Variants in DOCK3 observed in about 807,000 individuals in gnomAD.
DOCK3 encodes dedicator of cytokinesis protein 3.
A neutral mutation model predicts 265.6 loss-of-function variants in DOCK3; 60 were observed. That is an observed-to-expected ratio of 0.23 (90% CI 0.18 to 0.28). The LOEUF is 0.28. Ranked by LOEUF, DOCK3 falls within the 10% of genes least tolerant of loss-of-function variation. The probability of loss-of-function intolerance (pLI) is 1.00; values close to 1 mark genes in which losing one functional copy is unlikely to be tolerated. For missense variants in DOCK3, 1,981 were observed against 2,594.3 expected (o/e 0.76, Z 5.14); for synonymous variants, 881 against 938.0 (o/e 0.94, Z 1.11).
At chr3:51,053,400 A>G (rs530012110) in intron 5 of DOCK3, among the ~76,000 whole-genome samples, 8 of 150,484 alleles carry the variant, frequency 5.3e-5, no homozygotes, top group Non-Finnish European at 7.4e-5. Context: ...TTCCCCTTTC[A>G]ATACTTCCAA....
intron 24 of DOCK3, 76 bp downstream of exon 24, chr3:51,271,083 A>G: frequency 2.7e-6 from 4 of 1,455,956 alleles, no homozygotes; most frequent in Non-Finnish European, 3.7e-6. Context: ...TAGCAAAGTG[A>G]TAATCAAAGG....
At chr3:50,991,943 C>T (rs1419331582) in intron 5 of DOCK3, among the ~76,000 whole-genome samples, 1 of 152,142 alleles carries the variant, frequency 6.6e-6, no homozygotes, top group African/African-American at 2.4e-5. Context: ...AAAAATCACT[C>T]AAAACCATGC....
intron 27 of DOCK3, among the ~76,000 whole-genome samples, chr3:51,302,603 AG>A (rs2082416670): frequency 6.6e-6 from 1 of 152,006 alleles, no homozygotes; most frequent in Non-Finnish European, 1.5e-5. Context: ...AGTTCTTGCA[AG>A]GCAGGCCTGG....
chr3:50,945,856 A>G (rs1441407567), intron 5 of DOCK3, among the ~76,000 whole-genome samples: 9 of 152,188 alleles, frequency 5.9e-5, no homozygotes, highest in Non-Finnish European at 1.2e-4. Context: ...TGCTAGCTGC[A>G]TGATTTTGAG....
At chr3:50,805,986 G>A (rs1234825522) in intron 2 of DOCK3, among the ~76,000 whole-genome samples, 1 of 151,830 alleles carries the variant, frequency 6.6e-6, no homozygotes, top group Non-Finnish European at 1.5e-5. Context: ...TGTTTCTCAA[G>A]CCTGTGACAT....
chr3:50,776,342 T>C (rs2041598594), intron 1 of DOCK3, among the ~76,000 whole-genome samples: 2 of 152,142 alleles, frequency 1.3e-5, no homozygotes, highest in Admixed American at 1.3e-4. Flanking sequence ...TTAATGATAT[T>C]GAGCATTTTT....
At chr3:51,026,891 C>T (rs183836646) in intron 5 of DOCK3, among the ~76,000 whole-genome samples, 69 of 151,814 alleles carry the variant, frequency 4.5e-4, no homozygotes, top group African/African-American at 1.6e-3. Context: ...AGCAGTCTAT[C>T]AATCTTTTTT....
chr3:50,726,220 CA>C (rs910674766), intron 1 of DOCK3, among the ~76,000 whole-genome samples: 3 of 152,048 alleles, frequency 2.0e-5, no homozygotes, highest in Non-Finnish European at 4.4e-5. Context: ...TTTTGATTCA[CA>C]ATTGGTTGAA....
Position 51,356,401 on chromosome 3 carries a change from C to G in DOCK3, c.4417-6C>G. Reference sequence around the variant, plus strand: ...CTGCCCATACCTGCCTGTTCCCTCCCTACAGAGCCTGTGGATTGAACGTAC... The same window carrying G: ...CTGCCCATACCTGCCTGTTCCCTCCGTACAGAGCCTGTGGATTGAACGTAC... On this transcript the variant is annotated splice_region_variant and splice_polypyrimidine_tract_variant and intron_variant, in intron 42 of 52. Coordinates refer to ENST00000266037, the MANE Select transcript of DOCK3 (RefSeq NM_004947.5). 6.2e-7 allele frequency: 1 copy of G among 1,613,624 alleles called. No homozygotes were observed. Among genetic ancestry groups the G allele is most frequent in the Non-Finnish European group, 8.5e-7 (1 of 1,179,818 alleles).
intron 43 of DOCK3, 103 bp from the exon 44 acceptor site, chr3:51,356,859 A>G (rs1285656638): frequency 3.0e-6 from 4 of 1,354,934 alleles, no homozygotes; most frequent in South Asian, 1.5e-5. Context: ...CACAGGAACA[A>G]GGAAGGGGAA....
intron 3 of DOCK3, among the ~76,000 whole-genome samples, chr3:50,857,481 C>T (rs2046658033): frequency 6.6e-6 from 1 of 152,070 alleles, no homozygotes; most frequent in Non-Finnish European, 1.5e-5. Context: ...AAGAAACTAC[C>T]ATCAGAGTGA....
At position 51,091,135 on chromosome 3, in the gene DOCK3, C is replaced by T. The variant is rs145970113; in HGVS notation, c.746+751C>T. 5.6e-3 allele frequency among the ~76,000 whole-genome samples: 855 copies of T among 152,302 alleles called. 9 individuals are homozygous for T. Among genetic ancestry groups the T allele is most frequent in the African/African-American group, 0.018 (745 of 41,568 alleles). ...TGTGAATTTTCCTTATCACCAATGG[C>T]TCCTAGTATGTGCCCTTGGGAAAGT... On this transcript the variant is annotated intron_variant, in intron 9 of 52. Transcript: ENST00000266037.
chr3:51,208,784 G>A lies in DOCK3; in HGVS notation c.1048G>A (p.Glu350Lys), dbSNP rs867764185. 1 of 1,609,786 alleles carries A rather than the reference G, an allele frequency of 6.2e-7. No individual in the cohort carries two copies. Among genetic ancestry groups the A allele is most frequent in the Non-Finnish European group, 8.5e-7 (1 of 1,178,266 alleles). ...FVLKVYTCNN[E>K]SEWSQIHENI... ...GTCCTTCTGTTACAGGTGCAACAAC[G>A]AGAGTGAGTGGTCCCAGATCCACGA... The change falls in exon 13 of 53, where the codon GAG becomes AAG. Residue 350 changes from glutamate (E) to lysine (K), a missense_variant. This residue lies in a region of DOCK3 where 456 missense variants were observed against 539.0 expected (regional missense o/e 0.85). Transcript: ENST00000266037.
rs1320363215 is a variant in DOCK3 at position 51,272,067 on chromosome 3, T to C, written c.2548+1060T>C. Among the ~76,000 whole-genome samples the C allele has an allele frequency of 9.9e-5, 15 of 152,202 alleles. 1 individual carries two copies. The highest frequency in any genetic ancestry group is 9.8e-4 in the Admixed American group (15 of 15,282). ...CTTTCACAAAGAACTTCTGGTTTTA[T>C]TCCTGAAGACACATCATATGTGATC... On this transcript the variant is annotated intron_variant, in intron 24 of 52. Transcript: ENST00000266037.
At chr3:50,763,320 G>A (rs895591197) in intron 1 of DOCK3, among the ~76,000 whole-genome samples, 1 of 151,876 alleles carries the variant, frequency 6.6e-6, no homozygotes, top group South Asian at 2.1e-4. Flanking sequence ...TCGCTCTGTT[G>A]CCCAGGCTGG....
chr3:51,229,731 G>A, intron 19 of DOCK3, 122 bp downstream of exon 19: 1 of 636,374 alleles, frequency 1.6e-6, no homozygotes, highest in Non-Finnish European at 2.4e-6. Flanking sequence ...TGTTGTTGTT[G>A]TTGTTGTTGT....
In DOCK3 at chr3:50,968,394, G is replaced by A. The variant is rs1248823163; in HGVS notation, c.315+34317G>A. Among the ~76,000 whole-genome samples the A allele has an allele frequency of 3.9e-5, 6 of 152,184 alleles. No homozygotes were observed. The South Asian group carries it at 1.2e-3, about 32-fold the overall frequency. On this transcript the variant is annotated intron_variant, in intron 5 of 52. Transcript: ENST00000266037. ...AAGTTGTTTTCCATGGATGTAGTGT[G>A]TAAGGTGAAGTCTGAGCTTTTAGTG...
At chr3:50,721,009 A>G (rs974370022) in intron 1 of DOCK3, among the ~76,000 whole-genome samples, 2 of 151,420 alleles carry the variant, frequency 1.3e-5, no homozygotes, top group African/African-American at 4.9e-5. Context: ...TTTCTTTTGA[A>G]AAGTGTTCAT....
At chr3:51,162,877 A>AT (rs1054577513) in intron 12 of DOCK3, among the ~76,000 whole-genome samples, 6 of 152,018 alleles carry the variant, frequency 3.9e-5, no homozygotes, top group Non-Finnish European at 7.4e-5. Context: ...TATAGAGAAG[A>AT]TTTTTTTTCA....
Sources: gnomAD v4.1 joint callset for allele counts (sites outside exome capture counted in the v4.1 genomes callset) on GRCh38, gnomAD v4.1.1 for gene constraint, gnomAD v4.1.1 regional missense constraint, MANE v1.5 for transcripts, NCBI Gene and HGNC (gene_info 2026-07-23, HGNC 2026-07-21) for gene names.